AKAP6: variants seen among roughly 807,000 people sequenced by gnomAD.
AKAP6 encodes the protein A-kinase anchoring protein 6.
AKAP6 carries 58 observed loss-of-function variants against 188.5 expected under a neutral mutation model. The observed-to-expected ratio is 0.31, with a 90% CI of 0.25 to 0.38. AKAP6 has a LOEUF of 0.38. Among genes scored for constraint, AKAP6 ranks in the 10% least tolerant of loss-of-function variants. The pLI, the probability that AKAP6 is intolerant of heterozygous loss-of-function variation, is 1.00. For missense variants in AKAP6, 2,710 were observed against 2,740.0 expected (o/e 0.99, Z 0.24); for synonymous variants, 989 against 998.6 (o/e 0.99, Z 0.18).
chr14:32,690,115 A>G (rs1357806913), intron 8 of AKAP6, among the ~76,000 whole-genome samples: 1 of 150,586 alleles, frequency 6.6e-6, no homozygotes, highest in Non-Finnish European at 1.5e-5. Flanking sequence ...ACACACACAC[A>G]CACACGATTA....
At chr14:32,485,316 G>A (rs1275303454) in intron 2 of AKAP6, among the ~76,000 whole-genome samples, 1 of 151,984 alleles carries the variant, frequency 6.6e-6, no homozygotes, top group Non-Finnish European at 1.5e-5. Context: ...ATAATCGTTT[G>A]AGTATACACC....
chr14:32,494,879 C>A (rs563526260), intron 2 of AKAP6, among the ~76,000 whole-genome samples: 1 of 151,970 alleles, frequency 6.6e-6, no homozygotes, highest in Non-Finnish European at 1.5e-5. Flanking sequence ...TAAACTACAC[C>A]CCATGTTGTG....
intron 10 of AKAP6, chr14:32,733,697 T>C (rs1438479237): frequency 6.6e-6 from 1 of 152,176 alleles, no homozygotes; most frequent in African/African-American, 2.4e-5. Flanking sequence ...GTTAAAAGTT[T>C]TTCATCTAAC....
chr14:32,362,412 T>G (rs1175166837), intron 1 of AKAP6, among the ~76,000 whole-genome samples: 3 of 152,052 alleles, frequency 2.0e-5, no homozygotes, highest in African/African-American at 7.3e-5. Context: ...GTGGGTAAAA[T>G]GTGGCAAATG....
chr14:32,619,859 T>C lies in AKAP6; in HGVS notation c.2730+19067T>C, dbSNP rs142201044. On this transcript the variant is annotated intron_variant, in intron 7 of 13. Transcript: ENST00000280979. ...TCTATGATTTCTTTCAGCAGTGTTTTGTAGTTCTCCTTGTAGAGATTTTTC... is the reference window on the plus strand; with the variant it reads ...TCTATGATTTCTTTCAGCAGTGTTTCGTAGTTCTCCTTGTAGAGATTTTTC... Among the ~76,000 whole-genome samples the C allele has an allele frequency of 1.6e-4, 25 of 152,332 alleles. No homozygotes were observed. In the East Asian group the frequency reaches 3.9e-3, roughly 23 times the overall value.
chr14:32,385,683 C>A (rs1010394971), intron 1 of AKAP6, among the ~76,000 whole-genome samples: 2 of 151,430 alleles, frequency 1.3e-5, no homozygotes, highest in African/African-American at 4.8e-5. Context: ...TCCTGAGTTA[C>A]TTCACTTAGA....
At chr14:32,615,167 C>CAAAAAAAAAAAAAAAAAA (rs71115086) in intron 7 of AKAP6, among the ~76,000 whole-genome samples, 551 of 53,406 alleles carry the variant, frequency 0.01, 102 homozygotes, top group African/African-American at 0.022. Context: ...GACTCTGTCT[C>CAAAAAAAAAAAAAAAAAA]AAAAAAAAAA....
chr14:32,777,734 C>T (rs1469206445), intron 12 of AKAP6, among the ~76,000 whole-genome samples: 1 of 152,088 alleles, frequency 6.6e-6, no homozygotes, highest in Non-Finnish European at 1.5e-5. Flanking sequence ...GAATTAGAAT[C>T]CCATAATAAA....
chr14:32,813,289 G>A (rs2034286512), intron 12 of AKAP6, among the ~76,000 whole-genome samples: 1 of 151,990 alleles, frequency 6.6e-6, no homozygotes. Context: ...CATTTCTCCA[G>A]GTACCTTACC....
At chr14:32,654,176 T>C (rs115807870) in intron 7 of AKAP6, among the ~76,000 whole-genome samples, 57 of 152,278 alleles carry the variant, frequency 3.7e-4, no homozygotes, top group African/African-American at 1.3e-3. Context: ...TCAAAAAATG[T>C]CATACTCAAT....
At chr14:32,669,944 A>C (rs2139606363) in intron 7 of AKAP6, among the ~76,000 whole-genome samples, 1 of 152,172 alleles carries the variant, frequency 6.6e-6, no homozygotes, top group African/African-American at 2.4e-5. Context: ...TAAAAATACA[A>C]AACTTAGCTG....
intron 2 of AKAP6, among the ~76,000 whole-genome samples, chr14:32,525,758 A>G (rs1310737322): frequency 2.0e-5 from 3 of 152,188 alleles, no homozygotes; most frequent in Admixed American, 1.3e-4. Flanking sequence ...CGACTTCACA[A>G]ACATCCTTTG....
chr14:32,745,778 G>A (rs368120976), intron 11 of AKAP6, among the ~76,000 whole-genome samples: 24 of 152,198 alleles, frequency 1.6e-4, no homozygotes, highest in East Asian at 1.4e-3. Context: ...CCAGGCCCCT[G>A]TTGGGTCCAA....
chr14:32,824,448 C>A lies in AKAP6; in HGVS notation c.6635C>A (p.Ala2212Asp), dbSNP rs201151556. 1.4e-4 allele frequency: 233 copies of A among 1,613,822 alleles called. No homozygotes were observed. The highest frequency in any genetic ancestry group is 1.8e-4 in the Non-Finnish European group (218 of 1,179,956). Residue 2212 changes from alanine (A) to aspartate (D), a missense_variant, in exon 13 of 14, where the codon GCT becomes GAT. Physicochemically the swap from Ala to Asp is moderately radical, Grantham distance 126. Transcript: ENST00000280979. Reference protein sequence around the residue: ...SLSADDADTVALSSPSSQERA... With the variant: ...SLSADDADTVDLSSPSSQERA... ...TCAGCTGATGATGCAGATACAGTGG[C>A]TCTTTCAAGTCCTTCCTCTCAGGAA...
At chr14:32,758,297 A>G (rs2032413853) in intron 11 of AKAP6, among the ~76,000 whole-genome samples, 1 of 152,250 alleles carries the variant, frequency 6.6e-6, no homozygotes. Flanking sequence ...AGCCTACATC[A>G]GAATACCAAT....
rs549042903 is a variant in AKAP6 at position 32,353,357 on chromosome 14, C to T, written c.-35+23949C>T. 1.9e-4 allele frequency among the ~76,000 whole-genome samples: 28 copies of T among 147,566 alleles called. No individual in the cohort carries two copies. The East Asian group carries it at 3.6e-3, about 19-fold the overall frequency. ...GTGGGCAGACATGAGGTCAGGAGAT[C>T]GAAACCATCCTGGCTAACACGGTGA... On this transcript the variant is annotated intron_variant, in intron 1 of 13. Coordinates refer to ENST00000280979, the MANE Select transcript of AKAP6 (RefSeq NM_004274.5).
chr14:32,533,562 G>C (rs1403792168), intron 2 of AKAP6, among the ~76,000 whole-genome samples: 3 of 152,150 alleles, frequency 2.0e-5, no homozygotes, highest in Admixed American at 1.3e-4. Flanking sequence ...ACAACAGAAT[G>C]GGGGGAAGTG....
At chr14:32,510,464 A>ATATATATATATACATATATATATG (rs1881189581) in intron 2 of AKAP6, among the ~76,000 whole-genome samples, 3 of 70,084 alleles carry the variant, frequency 4.3e-5, no homozygotes, top group Non-Finnish European at 9.2e-5. Flanking sequence ...ATATATGTGT[A>ATATATATATATACATATATATATG]TATATATATA....
intron 1 of AKAP6, among the ~76,000 whole-genome samples, chr14:32,408,698 A>AGC (rs1889376397): frequency 1.1e-5 from 1 of 88,718 alleles, no homozygotes; most frequent in South Asian, 3.1e-4. Flanking sequence ...TCTAGTCTAG[A>AGC]AATATCTCCA....
Sources: allele counts gnomAD v4.1 joint callset (sites outside exome capture counted in the v4.1 genomes callset), GRCh38; gene constraint gnomAD v4.1.1; transcripts MANE v1.5; gene names NCBI Gene and HGNC (gene_info 2026-07-23, HGNC 2026-07-21).